The following IP6K1 variants were observed in gnomAD, a reference collection of about 807,000 sequenced individuals.
The protein encoded by IP6K1 is inositol hexakisphosphate kinase 1.
A neutral mutation model predicts 38.3 loss-of-function variants in IP6K1; 13 were observed. That is an observed-to-expected ratio of 0.34 (90% CI 0.22 to 0.54). The LOEUF is 0.54. IP6K1 is among the 20% of genes least tolerant of loss of function. The pLI is 0.92. For missense variants in IP6K1, 397 were observed against 599.8 expected, an observed-to-expected ratio of 0.66 and a Z score of 3.53; for synonymous variants, 212 against 229.9, an observed-to-expected ratio of 0.92 and a Z score of 0.70.
chr3:49,781,848 C>G (rs1027928138), intron 1 of IP6K1, among the ~76,000 whole-genome samples: 1 of 151,774 alleles, frequency 6.6e-6, no homozygotes, highest in Non-Finnish European at 1.5e-5. Flanking sequence ...TTTGGGAGGC[C>G]GAGGTGGGAG....
chr3:49,785,304 G>A (rs2081102861), intron 1 of IP6K1, among the ~76,000 whole-genome samples: 1 of 151,942 alleles, frequency 6.6e-6, no homozygotes. Flanking sequence ...TCAGGAGTTC[G>A]AGACCAGCCT....
intron 2 of IP6K1, among the ~76,000 whole-genome samples, chr3:49,744,149 TC>T (rs1553694251): frequency 1.3e-5 from 2 of 150,712 alleles, no homozygotes; most frequent in Non-Finnish European, 2.9e-5. Flanking sequence ...ACTCCTGTAA[TC>T]CCAGCACTTT....
At chr3:49,757,756 T>G (rs1041167333) in intron 1 of IP6K1, among the ~76,000 whole-genome samples, 4 of 152,074 alleles carry the variant, frequency 2.6e-5, no homozygotes, top group African/African-American at 9.7e-5. Context: ...CTGCTCTCTC[T>G]CCATTTCAGA....
At chr3:49,749,545 G>GT (rs1160709789) in intron 1 of IP6K1, among the ~76,000 whole-genome samples, 2 of 152,158 alleles carry the variant, frequency 1.3e-5, no homozygotes, top group African/African-American at 4.8e-5. Context: ...AAACCATCGG[G>GT]TTTTTTGTTG....
chr3:49,779,704 G>C (rs2081048957), intron 1 of IP6K1, among the ~76,000 whole-genome samples: 1 of 151,606 alleles, frequency 6.6e-6, no homozygotes, highest in South Asian at 2.1e-4. Flanking sequence ...TTTCTTTTTA[G>C]AGACAGGGTC....
chr3:49,780,771 C>A (rs11706824), intron 1 of IP6K1, among the ~76,000 whole-genome samples: 2 of 152,192 alleles, frequency 1.3e-5, no homozygotes, highest in Admixed American at 6.6e-5. Context: ...TTCTGCAGCA[C>A]TAAGGGATGG....
intron 1 of IP6K1, among the ~76,000 whole-genome samples, chr3:49,764,234 T>A (rs939439843): frequency 2.0e-5 from 3 of 150,298 alleles, no homozygotes; most frequent in African/African-American, 7.4e-5. Context: ...AAAAAAAAAA[T>A]AGCCAGACAT....
In IP6K1 at chr3:49,784,000, ATTT is replaced by A. The variant is rs374792326; in HGVS notation, c.-129+2351_-129+2353del. 2.4e-3 allele frequency among the ~76,000 whole-genome samples: 368 copies of A among 151,752 alleles called. 2 individuals are homozygous for A. Among genetic ancestry groups the A allele is most frequent in the Admixed American group, 4.1e-3 (63 of 15,228 alleles). ...GGAGCTGGTTTCTTTCAAAATTATTATTTTATTTATTATTTATTTATTTATTTA... is the reference window on the plus strand; with the variant it reads ...GGAGCTGGTTTCTTTCAAAATTATTATATTTATTATTTATTTATTTATTTA... On this transcript the variant is annotated intron_variant, in intron 1 of 5. Coordinates refer to ENST00000321599, the MANE Select transcript of IP6K1 (RefSeq NM_153273.4).
intron 1 of IP6K1, among the ~76,000 whole-genome samples, chr3:49,760,623 C>CAAA (rs56070382): frequency 2.0e-5 from 2 of 100,334 alleles, no homozygotes; most frequent in African/African-American, 3.6e-5. Context: ...GACTTCGTCT[C>CAAA]AAAAAAAAAA....
Position 49,727,751 on chromosome 3 carries a change from C to T in IP6K1, c.793-96G>A. On this transcript the variant is annotated intron_variant, in intron 5 of 5. Transcript: ENST00000321599. The surrounding 1 kb of genome is among the most constrained non-coding windows in gnomAD (Gnocchi z 5.9). Reference sequence around the variant, plus strand: ...ACTGTCTGGAAGGGACTTTGACCAACCTGAGCTTTTCTGCTCACCTATCTA... The same window carrying T: ...ACTGTCTGGAAGGGACTTTGACCAATCTGAGCTTTTCTGCTCACCTATCTA... The T allele has an allele frequency of 7.7e-7, 1 of 1,295,608 alleles. No individual in the cohort carries two copies. Among genetic ancestry groups the T allele is most frequent in the East Asian group, 2.4e-5 (1 of 40,832 alleles). 80.3% of individuals were successfully genotyped at this position (1,295,608 alleles called of 1,614,324 possible). A position where few individuals can be genotyped will look rare whatever the true frequency, so the allele number is the denominator to read the frequency against.
chr3:49,750,701 A>G (rs531995604), intron 1 of IP6K1, among the ~76,000 whole-genome samples: 5 of 151,858 alleles, frequency 3.3e-5, no homozygotes, highest in Non-Finnish European at 5.9e-5. Context: ...CTCCTCAAAA[A>G]AGAAAAAAAA....
At chr3:49,758,569 G>C (rs904406911) in intron 1 of IP6K1, 1 of 152,288 alleles carries the variant, frequency 6.6e-6, no homozygotes, top group Non-Finnish European at 1.5e-5. Context: ...AACCAAGAAA[G>C]AAGGCATACC....
chr3:49,739,996 T>G (rs1034568516), intron 2 of IP6K1, among the ~76,000 whole-genome samples: 3 of 151,690 alleles, frequency 2.0e-5, no homozygotes, highest in African/African-American at 7.3e-5. Flanking sequence ...CAACACTCCA[T>G]CTCAAAAAAA....
intron 2 of IP6K1, among the ~76,000 whole-genome samples, chr3:49,739,535 T>C (rs1305881852): frequency 6.6e-6 from 1 of 151,890 alleles, no homozygotes; most frequent in African/African-American, 2.4e-5. Flanking sequence ...TTTGTATTTT[T>C]AGTAGAGACG....
chr3:49,778,697 C>T (rs1032420155), intron 1 of IP6K1, among the ~76,000 whole-genome samples: 7 of 152,190 alleles, frequency 4.6e-5, no homozygotes, highest in South Asian at 2.1e-4. Flanking sequence ...CCAACCACAG[C>T]TCACTGCAGC....
At chr3:49,784,816 G>A (rs1176763862) in intron 1 of IP6K1, among the ~76,000 whole-genome samples, 3 of 151,838 alleles carry the variant, frequency 2.0e-5, no homozygotes, top group Admixed American at 6.6e-5. Context: ...GTGGTGGCAC[G>A]TGCCTGTAGT....
chr3:49,748,810 T>C (rs1244191307), intron 1 of IP6K1: 1 of 152,306 alleles, frequency 6.6e-6, no homozygotes, highest in Non-Finnish European at 1.5e-5. Flanking sequence ...GTACATTTAT[T>C]GTACATTGTA....
At chr3:49,750,679 G>A (rs1471932536) in intron 1 of IP6K1, among the ~76,000 whole-genome samples, 2 of 151,504 alleles carry the variant, frequency 1.3e-5, no homozygotes, top group African/African-American at 2.4e-5. Context: ...CAGCCTGGGC[G>A]ACAGAGCGGG....
chr3:49,767,336 T>C (rs1575323891), intron 1 of IP6K1, among the ~76,000 whole-genome samples: 1 of 152,008 alleles, frequency 6.6e-6, no homozygotes, highest in East Asian at 1.9e-4. Context: ...CCCAACACTT[T>C]GGGAGGCCGA....
Sources: gnomAD v4.1 joint callset for allele counts (sites outside exome capture counted in the v4.1 genomes callset) on GRCh38, gnomAD v4.1.1 for gene constraint, Gnocchi (gnomAD v3.1) non-coding constraint, MANE v1.5 for transcripts, NCBI Gene and HGNC (gene_info 2026-07-23, HGNC 2026-07-21) for gene names.